The following STRIP2 variants were observed in gnomAD, a reference collection of about 807,000 sequenced individuals.
The protein encoded by STRIP2 is striatin interacting protein 2.
A neutral mutation model predicts 107.1 loss-of-function variants in STRIP2; 84 were observed. The ratio of observed to expected loss-of-function variants is 0.78; its 90% CI spans 0.66 to 0.94. STRIP2 has a LOEUF of 0.94. Among genes scored for constraint, STRIP2 ranks in the 40% least tolerant of loss-of-function variants. The probability of loss-of-function intolerance (pLI) is 0.00; values close to 1 mark genes in which losing one functional copy is unlikely to be tolerated. For synonymous variants in STRIP2, 394 were observed against 400.4 expected (o/e 0.98, Z 0.19); for missense variants, 888 against 1,034.2 (o/e 0.86, Z 1.94).
chr7:129,482,873 T>TA lies in STRIP2; in HGVS notation c.2084dup (p.Arg696AlafsTer51), dbSNP rs773572847. The TA allele has an allele frequency of 6.2e-7, 1 of 1,614,124 alleles. No individual in the cohort carries two copies. Among genetic ancestry groups the TA allele is most frequent in the Non-Finnish European group, 8.5e-7 (1 of 1,180,014 alleles). Reference sequence around the variant, plus strand: ...GTAGTGTTTAAATCGGCACCAATCTTAAAGCGGGCCCTCAAGGTCAAACAG... The same window carrying TA: ...GTAGTGTTTAAATCGGCACCAATCTTAAAAGCGGGCCCTCAAGGTCAAACAG... On this transcript the variant is annotated frameshift_variant, in exon 20 of 21. Transcript: ENST00000249344. LOFTEE classifies it high-confidence loss of function.
intron 18 of STRIP2, among the ~76,000 whole-genome samples, chr7:129,480,065 A>G (rs1415503952): frequency 1.3e-5 from 2 of 152,158 alleles, no homozygotes; most frequent in Non-Finnish European, 2.9e-5. Context: ...ACGTGTGCTC[A>G]TTGAGTTATA....
At chr7:129,454,885 G>A (rs1233268935) in intron 7 of STRIP2, among the ~76,000 whole-genome samples, 1 of 152,210 alleles carries the variant, frequency 6.6e-6, no homozygotes, top group African/African-American at 2.4e-5. Context: ...CATCTGACAG[G>A]GATAGGATAT....
At chr7:129,463,135 G>A (rs1373373065) in intron 14 of STRIP2, 95 bp downstream of exon 14, 5 of 1,044,428 alleles carry the variant, frequency 4.8e-6, no homozygotes, top group Non-Finnish European at 7.1e-6. Flanking sequence ...ACTTGAGCTT[G>A]TTTCCTGAGC....
At chr7:129,469,568 C>G (rs1798745763) in intron 17 of STRIP2, among the ~76,000 whole-genome samples, 1 of 152,176 alleles carries the variant, frequency 6.6e-6, no homozygotes, top group Admixed American at 6.5e-5. Context: ...TGGAGCAGTA[C>G]AGAACTGGCA....
intron 1 of STRIP2, among the ~76,000 whole-genome samples, chr7:129,439,575 T>C (rs930162937): frequency 6.6e-6 from 1 of 152,164 alleles, no homozygotes; most frequent in African/African-American, 2.4e-5. Flanking sequence ...AGAACCTCTT[T>C]AAAAATAAGG....
chr7:129,458,685 G>T lies in STRIP2; in HGVS notation c.1275-27G>T. On this transcript the variant is annotated intron_variant, in intron 10 of 20. Coordinates refer to ENST00000249344, the MANE Select transcript of STRIP2 (RefSeq NM_020704.3). The surrounding 1 kb of genome is among the most constrained non-coding windows in gnomAD (Gnocchi z 4.6). Reference sequence around the variant, plus strand: ...AAGTTTGCTTTTCTTCCCTTCTCTGGGATTGGTCTTTCCACCATCCTCTCA... The same window carrying T: ...AAGTTTGCTTTTCTTCCCTTCTCTGTGATTGGTCTTTCCACCATCCTCTCA... The T allele has an allele frequency of 1.9e-6, 3 of 1,613,660 alleles. No individual in the cohort carries two copies. In the East Asian group the frequency reaches 6.7e-5, roughly 36 times the overall value.
chr7:129,434,696 GCGCGCTCGATCAGCCC>G, intron 1 of STRIP2, 95 bp downstream of exon 1: 1 of 1,349,396 alleles, frequency 7.4e-7, no homozygotes, highest in Non-Finnish European at 9.5e-7. Flanking sequence ...GGAGCCCTCG[GCGCGCTCGATCAGCCC>G]CGCGCAGTGG....
At chr7:129,477,462 A>G (rs1799001153) in intron 18 of STRIP2, among the ~76,000 whole-genome samples, 1 of 152,224 alleles carries the variant, frequency 6.6e-6, no homozygotes, top group African/African-American at 2.4e-5. Context: ...TATTTCTATA[A>G]TGGGTTCTTG....
chr7:129,446,182 G>C (rs959595721), intron 3 of STRIP2, among the ~76,000 whole-genome samples: 1 of 152,180 alleles, frequency 6.6e-6, no homozygotes, highest in African/African-American at 2.4e-5. Flanking sequence ...CAATGACAGA[G>C]GTGCTGGGGA....
rs1798313537 is a variant in STRIP2, at chr7:129,455,290, C to T, written c.753C>T (p.Ser251=). 1 of 1,613,878 alleles carries T rather than the reference C, an allele frequency of 6.2e-7. No homozygotes were observed. Among genetic ancestry groups the T allele is most frequent in the African/African-American group, 1.3e-5 (1 of 74,902 alleles). The change falls in exon 8 of 21, where the codon TCC becomes TCT. Residue 251 remains serine (S), a synonymous_variant. Transcript: ENST00000249344. ...AGCCTTTTGCCCTTTTACTCTTCTC[C>T]ATGGTTACCAAGTTCTGCAGTGGCC... The part of the protein sequence containing the change: ...NEEPFALLLF[S]MVTKFCSGLA...
At chr7:129,474,296 A>G (rs1179350620) in intron 18 of STRIP2, among the ~76,000 whole-genome samples, 1 of 152,040 alleles carries the variant, frequency 6.6e-6, no homozygotes, top group Non-Finnish European at 1.5e-5. Flanking sequence ...ACATGCCACT[A>G]TGCTTGGCTA....
chr7:129,440,138 A>T (rs1797858480), intron 2 of STRIP2, 47 bp downstream of exon 2: 1 of 1,528,790 alleles, frequency 6.5e-7, no homozygotes, highest in African/African-American at 1.4e-5. Context: ...GGCCAGGAGG[A>T]GAGGGAAGGG....
chr7:129,476,179 GCCGGGC>G (rs1798927521), intron 18 of STRIP2, among the ~76,000 whole-genome samples: 1 of 145,188 alleles, frequency 6.9e-6, no homozygotes, highest in Non-Finnish European at 1.5e-5. Flanking sequence ...GGGGCGGCTG[GCCGGGC>G]GGGGGCTGCC....
rs1798441763 is a variant in STRIP2 at position 129,458,780 on chromosome 7, A to G, written c.1340+3A>G. The G allele has an allele frequency of 6.2e-7, 1 of 1,614,022 alleles. No individual in the cohort carries two copies. The highest frequency in any genetic ancestry group is 1.7e-5 in the Admixed American group (1 of 60,004). ...TTCATCGGATTCACCCTGGGGCAGT[A>G]AGTGACTGAATGGCTGGAACTGGCT... is the stretch of plus-strand genomic sequence containing the variant. On this transcript the variant is annotated splice_donor_region_variant and intron_variant, in intron 11 of 20. Transcript: ENST00000249344. This position sits in a 1 kb window ranked among gnomAD's most constrained non-coding sequence, Gnocchi z 4.6.
rs372592537 is a variant in STRIP2 at position 129,447,100 on chromosome 7, A to G, written c.274+3002A>G. 3.3e-4 allele frequency among the ~76,000 whole-genome samples: 51 copies of G among 152,264 alleles called. 1 individual carries two copies. In the South Asian group the frequency reaches 1.0e-2, roughly 30 times the overall value. On this transcript the variant is annotated intron_variant, in intron 3 of 20. Coordinates refer to ENST00000249344, the MANE Select transcript of STRIP2 (RefSeq NM_020704.3). ...AACAGCATCCCCATCTGCCGCTGAC[A>G]CCTCAAGCACCATTGGATCTGCTGG...
At chr7:129,475,568 C>A (rs582396) in intron 18 of STRIP2, among the ~76,000 whole-genome samples, 61,673 of 99,222 alleles carry the variant, frequency 0.62, 16,236 homozygotes, top group Admixed American at 0.66. Flanking sequence ...TTTTTTTTTT[C>A]TTTTTATTTT....
chr7:129,477,564 T>C (rs907662568), intron 18 of STRIP2, among the ~76,000 whole-genome samples: 1 of 152,192 alleles, frequency 6.6e-6, no homozygotes, highest in Non-Finnish European at 1.5e-5. Flanking sequence ...TGTTAAAGTT[T>C]CCCAAACAAT....
Position 129,470,503 on chromosome 7 carries a change from G to T in STRIP2, c.1878-146G>T, listed in dbSNP as rs1398025687. On this transcript the variant is annotated intron_variant, in intron 17 of 20. Coordinates refer to ENST00000249344, the MANE Select transcript of STRIP2 (RefSeq NM_020704.3). ...CTGGAGCTAGAGTTGCCTGGCACCA[G>T]AGCCCTCATTTCAGCTGAGGTCACT... is the stretch of plus-strand genomic sequence containing the variant. The T allele has an allele frequency of 4.8e-6, 3 of 623,444 alleles. No homozygotes were observed. The African/African-American group carries it at 5.4e-5, about 11-fold the overall frequency. The allele number at this position is 623,444 out of a possible 1,614,324, so 38.6% of individuals were successfully genotyped here.
intron 16 of STRIP2, 97 bp downstream of exon 16, chr7:129,464,835 A>G: frequency 1.3e-6 from 2 of 1,497,890 alleles, no homozygotes; most frequent in South Asian, 1.2e-5. Context: ...CCTGATGAGC[A>G]TCTTTCAGCC....
Sources: allele counts gnomAD v4.1 joint callset (sites outside exome capture counted in the v4.1 genomes callset), GRCh38; gene constraint gnomAD v4.1.1; non-coding constraint Gnocchi (gnomAD v3.1); transcripts MANE v1.5; gene names NCBI Gene and HGNC (gene_info 2026-07-23, HGNC 2026-07-21).